RGS13: variants seen among roughly 807,000 people sequenced by gnomAD.
The protein encoded by RGS13 is regulator of G-protein signalling 13.
RGS13 carries 14 observed loss-of-function variants against 19.9 expected under a neutral mutation model. That is an observed-to-expected ratio of 0.70 (90% CI 0.46 to 1.10). The LOEUF is 1.10. Ranked by LOEUF, RGS13 falls within the 50% of genes least tolerant of loss-of-function variation. RGS13 has a pLI of 0.00. For synonymous variants in RGS13, 60 were observed against 56.8 expected (o/e 1.06, Z -0.25); for missense variants, 205 against 187.1 (o/e 1.10, Z -0.56).
At chr1:192,641,262 GAA>G in intron 3 of RGS13, among the ~76,000 whole-genome samples, 2 of 87,320 alleles carry the variant, frequency 2.3e-5, no homozygotes, top group East Asian at 1.2e-3. Context: ...AGAAAAGAAA[GAA>G]AGAAAGAAAG....
In RGS13 at chr1:192,651,554, G is replaced by A. The variant is rs142972321; in HGVS notation, c.127+3567G>A. 7.4e-3 allele frequency among the ~76,000 whole-genome samples: 1,129 copies of A among 152,146 alleles called. 45 individuals are homozygous for A. The highest frequency in any genetic ancestry group is 0.058 in the Admixed American group (889 of 15,228). ...GAAGAAACTGATGACACAGAAGAGA[G>A]TGGAGATACTTATAAGAAAAATAGA... On this transcript the variant is annotated intron_variant, in intron 5 of 6. Transcript: ENST00000391995.
At chr1:192,652,392 G>T (rs1184080085) in intron 5 of RGS13, among the ~76,000 whole-genome samples, 1 of 151,948 alleles carries the variant, frequency 6.6e-6, no homozygotes, top group East Asian at 1.9e-4. Context: ...CAGTGTGATT[G>T]GCAGTTTCCT....
Position 192,659,699 on chromosome 1 carries a change from T to C in RGS13, c.*176T>C, listed in dbSNP as rs1663576265. The C allele has an allele frequency of 3.5e-6, 2 of 565,116 alleles. No individual in the cohort carries two copies. The highest frequency in any genetic ancestry group is 3.5e-5 in the Admixed American group (1 of 28,302). The allele number at this position is 565,116 out of a possible 1,614,324, so 35.0% of individuals were successfully genotyped here. On this transcript the variant is annotated 3_prime_UTR_variant, in exon 7 of 7. Coordinates refer to ENST00000391995, the MANE Select transcript of RGS13 (RefSeq NM_002927.5). ...TCAAAAGCAATGGAATCTAGAATTC[T>C]TATAACATGAATAACAAAATGTACA...
intron 5 of RGS13, among the ~76,000 whole-genome samples, chr1:192,657,440 A>G (rs1663461802): frequency 6.6e-6 from 1 of 152,052 alleles, no homozygotes; most frequent in Non-Finnish European, 1.5e-5. Flanking sequence ...CAATTGGAAA[A>G]GCTCCTCCTT....
intron 3 of RGS13, among the ~76,000 whole-genome samples, chr1:192,640,501 T>C (rs968653912): frequency 6.6e-6 from 1 of 152,164 alleles, no homozygotes; most frequent in Admixed American, 6.6e-5. Flanking sequence ...TTTAAGGTCA[T>C]CTAGAACCTA....
intron 3 of RGS13, among the ~76,000 whole-genome samples, chr1:192,643,726 G>A (rs1663166246): frequency 6.6e-6 from 1 of 152,130 alleles, no homozygotes; most frequent in African/African-American, 2.4e-5. Context: ...GAGGTTGGCA[G>A]GTTGTTTGGG....
chr1:192,659,240 T>C (rs556989421), intron 6 of RGS13, 98 bp from the exon 7 acceptor site: 1 of 750,388 alleles, frequency 1.3e-6, no homozygotes, highest in South Asian at 2.6e-5. Flanking sequence ...CCTATTCCAC[T>C]GAAAAGGAGA....
At chr1:192,649,701 C>G (rs533631248) in intron 5 of RGS13, among the ~76,000 whole-genome samples, 1 of 152,212 alleles carries the variant, frequency 6.6e-6, no homozygotes, top group East Asian at 1.9e-4. Flanking sequence ...ACTTCATTTT[C>G]TACTTGTACA....
chr1:192,646,050 A>G (rs1438195812), intron 4 of RGS13: 3 of 152,206 alleles, frequency 2.0e-5, no homozygotes, highest in Non-Finnish European at 4.4e-5. Context: ...ATTTTAGGTT[A>G]CTTTTTCTAA....
chr1:192,645,369 G>A (rs542298231), intron 4 of RGS13: 2 of 152,256 alleles, frequency 1.3e-5, no homozygotes, highest in African/African-American at 4.8e-5. Context: ...CCAGATAACA[G>A]TTATTTAATA....
At chr1:192,658,133 C>T in intron 5 of RGS13, 68 bp from the exon 6 acceptor site, 3 of 1,110,544 alleles carry the variant, frequency 2.7e-6, no homozygotes, top group Non-Finnish European at 3.9e-6. Flanking sequence ...TTTTTTTTAA[C>T]TGTATTGCTT....
rs1663115945 is a variant in RGS13 at position 192,641,298 on chromosome 1, GAAAGAAAGA to G, written c.-4-3021_-4-3013del. ...AGAAAGAAAGAAAGAAAGAAAGAAAGAAAGAAAGAAAAGAAAGAAAGGAGGGAGGGAGGA... is the reference window on the plus strand; with the variant it reads ...AGAAAGAAAGAAAGAAAGAAAGAAAGAAAGAAAGAAAGGAGGGAGGGAGGA... On this transcript the variant is annotated intron_variant, in intron 3 of 6. Coordinates refer to ENST00000391995, the MANE Select transcript of RGS13 (RefSeq NM_002927.5). Among the ~76,000 whole-genome samples the G allele has an allele frequency of 1.5e-4, 17 of 109,988 alleles. No individual in the cohort carries two copies. In the East Asian group the frequency reaches 4.8e-3, roughly 31 times the overall value. The allele number at this position is 109,988 out of a possible 152,430, so 72.2% of individuals were successfully genotyped here.
chr1:192,643,377 G>T (rs1308396849), intron 3 of RGS13, among the ~76,000 whole-genome samples: 2 of 151,944 alleles, frequency 1.3e-5, no homozygotes, highest in African/African-American at 2.4e-5. Flanking sequence ...TTTAAAATGT[G>T]GATTTAATGA....
At chr1:192,656,554 C>T (rs1663447365) in intron 5 of RGS13, among the ~76,000 whole-genome samples, 1 of 152,016 alleles carries the variant, frequency 6.6e-6, no homozygotes, top group Non-Finnish European at 1.5e-5. Context: ...ATATCCCCCT[C>T]ACATTGGATA....
intron 4 of RGS13, chr1:192,647,198 C>T (rs900239836): frequency 1.3e-5 from 2 of 152,100 alleles, no homozygotes; most frequent in African/African-American, 4.8e-5. Context: ...CAGCGGCAAA[C>T]AGTGCATAAC....
chr1:192,650,010 G>A (rs1322877557), intron 5 of RGS13, among the ~76,000 whole-genome samples: 2 of 151,962 alleles, frequency 1.3e-5, no homozygotes. Context: ...TGTACCCAAT[G>A]AGCATGCAAT....
intron 3 of RGS13, among the ~76,000 whole-genome samples, chr1:192,641,254 A>AAAGAAAG (rs1553257010): frequency 0.044 from 2,953 of 66,854 alleles, 88 homozygotes; most frequent in Non-Finnish European, 0.052. Context: ...GAAAAGAAAG[A>AAAGAAAG]AAAGAAAGAA....
At chr1:192,650,261 T>C (rs1558051774) in intron 5 of RGS13, among the ~76,000 whole-genome samples, 2 of 152,088 alleles carry the variant, frequency 1.3e-5, no homozygotes, top group African/African-American at 4.8e-5. Flanking sequence ...ATCATACTGC[T>C]CTTTATAAAA....
At chr1:192,658,121 GC>G in intron 5 of RGS13, 79 bp from the exon 6 acceptor site, 1 of 985,412 alleles carries the variant, frequency 1.0e-6, no homozygotes, top group East Asian at 2.5e-5. Flanking sequence ...TTTTAATCAG[GC>G]TTTTTTTTAA....
Sources: gnomAD v4.1 joint callset for allele counts (sites outside exome capture counted in the v4.1 genomes callset) on GRCh38, gnomAD v4.1.1 for gene constraint, MANE v1.5 for transcripts, NCBI Gene and HGNC (gene_info 2026-07-23, HGNC 2026-07-21) for gene names.